MAST4: variants seen among roughly 807,000 people sequenced by gnomAD.
MAST4 encodes microtubule associated serine/threonine kinase family member 4, also known as microtubule-associated serine/threonine-protein kinase 4.
In MAST4, 89 loss-of-function variants were observed where a neutral mutation model predicts 162.7. The ratio of observed to expected loss-of-function variants is 0.55; its 90% CI spans 0.46 to 0.65. The LOEUF is 0.65. Among genes scored for constraint, MAST4 ranks in the 30% least tolerant of loss-of-function variants. MAST4 has a pLI of 0.00. For missense variants in MAST4, 3,153 were observed against 3,374.0 expected (o/e 0.93, Z 1.62); for synonymous variants, 1,479 against 1,361.1 (o/e 1.09, Z -1.91).
intron 1 of MAST4, among the ~76,000 whole-genome samples, chr5:66,689,613 C>A (rs1327490670): frequency 6.6e-6 from 1 of 152,138 alleles, no homozygotes; most frequent in African/African-American, 2.4e-5. Flanking sequence ...ATCCATGTGG[C>A]TTTGAAAGTC....
chr5:66,713,735 T>C (rs1750640715), intron 1 of MAST4, among the ~76,000 whole-genome samples: 1 of 152,208 alleles, frequency 6.6e-6, no homozygotes. Context: ...TTGTCAGTAT[T>C]TATCTCTTTC....
At chr5:67,009,519 C>T (rs1421273060) in intron 4 of MAST4, among the ~76,000 whole-genome samples, 5 of 152,220 alleles carry the variant, frequency 3.3e-5, no homozygotes, top group Non-Finnish European at 5.9e-5. Flanking sequence ...TTGGACTTCA[C>T]TTGCTCCGTC....
chr5:67,086,599 A>G (rs987052868), intron 5 of MAST4, among the ~76,000 whole-genome samples: 11 of 152,240 alleles, frequency 7.2e-5, no homozygotes, highest in Admixed American at 1.3e-4. Context: ...CCAGCAGTCT[A>G]TAAAGTGTCC....
intron 1 of MAST4, among the ~76,000 whole-genome samples, chr5:66,705,298 T>C (rs1296334027): frequency 3.3e-5 from 5 of 152,224 alleles, no homozygotes; most frequent in African/African-American, 1.2e-4. Flanking sequence ...AGCATGAGCA[T>C]GTTTAGAATG....
intron 3 of MAST4, among the ~76,000 whole-genome samples, chr5:66,834,111 A>G (rs1011520864): frequency 6.6e-6 from 1 of 152,228 alleles, no homozygotes; most frequent in African/African-American, 2.4e-5. Context: ...TACGGGTATC[A>G]GGCAGGGTCC....
At chr5:66,618,777 C>T (rs977680146) in intron 1 of MAST4, among the ~76,000 whole-genome samples, 7 of 152,194 alleles carry the variant, frequency 4.6e-5, no homozygotes, top group East Asian at 1.9e-4. Context: ...GTCTGAGAAT[C>T]GCTAGTGCAC....
At chr5:66,631,390 T>G (rs1220381695) in intron 1 of MAST4, among the ~76,000 whole-genome samples, 1 of 152,168 alleles carries the variant, frequency 6.6e-6, no homozygotes, top group Non-Finnish European at 1.5e-5. Flanking sequence ...ATTTGGAGTT[T>G]CTATGTTTTG....
intron 1 of MAST4, among the ~76,000 whole-genome samples, chr5:66,634,339 G>C (rs932250065): frequency 1.3e-5 from 2 of 151,206 alleles, no homozygotes; most frequent in African/African-American, 4.9e-5. Context: ...GATTGCAGGT[G>C]TGAGCCACTG....
intron 4 of MAST4, among the ~76,000 whole-genome samples, chr5:66,968,274 T>G (rs1406282227): frequency 6.6e-6 from 1 of 152,224 alleles, no homozygotes; most frequent in Non-Finnish European, 1.5e-5. Flanking sequence ...TGTATTTTAC[T>G]TCTTCCATCT....
At chr5:66,639,278 T>TTGTGTGTGTGTG (rs70987132) in intron 1 of MAST4, among the ~76,000 whole-genome samples, 6,412 of 138,602 alleles carry the variant, frequency 0.046, 291 homozygotes, top group African/African-American at 0.1. Context: ...GAGAGGCAGC[T>TTGTGTGTGTGTG]TGTGTGTGTG....
At chr5:66,969,781 C>T (rs766890063) in intron 4 of MAST4, among the ~76,000 whole-genome samples, 12 of 152,316 alleles carry the variant, frequency 7.9e-5, no homozygotes, top group Non-Finnish European at 1.0e-4. Flanking sequence ...AGTCACCTGA[C>T]GGCTAAACCA....
At chr5:66,991,972 A>G (rs1421667486) in intron 4 of MAST4, among the ~76,000 whole-genome samples, 1 of 152,214 alleles carries the variant, frequency 6.6e-6, no homozygotes, top group African/African-American at 2.4e-5. Flanking sequence ...AGCAAGGCAG[A>G]CAGATACAGT....
In MAST4 at chr5:67,165,413, C is replaced by T. The variant is rs770135603; in HGVS notation, c.6234C>T (p.Gly2078=). The T allele has an allele frequency of 2.4e-5, 39 of 1,613,754 alleles. No homozygotes were observed. Among genetic ancestry groups the T allele is most frequent in the South Asian group, 2.0e-4 (18 of 91,084 alleles). ...AGGAGCTGGGCAAGGTGAGGCGTGG[C>T]GTGGAACCCAAGCCCGAAGCGCTTC... ...CEKELGKVRR[G]VEPKPEALLA... The change falls in exon 29 of 29, where the codon GGC becomes GGT. Residue 2078 remains glycine (G), a synonymous_variant. Transcript: ENST00000403625.
chr5:66,923,796 G>A lies in MAST4; in HGVS notation c.674+23814G>A, dbSNP rs1214140645. Among the ~76,000 whole-genome samples the A allele has an allele frequency of 4.6e-5, 7 of 152,170 alleles. No individual in the cohort carries two copies. In the East Asian group the frequency reaches 7.7e-4, roughly 17 times the overall value. On this transcript the variant is annotated intron_variant, in intron 4 of 28. Coordinates refer to ENST00000403625, the MANE Select transcript of MAST4 (RefSeq NM_001164664.2). ...ACAACACAGTCATATATTTCAAGTT[G>A]TTTGGGGAGAAGGGGGTTGATGAAA...
intron 4 of MAST4, among the ~76,000 whole-genome samples, chr5:67,013,189 G>C (rs1457312228): frequency 1.3e-5 from 2 of 152,160 alleles, no homozygotes; most frequent in African/African-American, 4.8e-5. Flanking sequence ...CATCTGGTAG[G>C]CCAACCACCA....
intron 1 of MAST4, among the ~76,000 whole-genome samples, chr5:66,701,600 G>A (rs1181733097): frequency 2.0e-5 from 3 of 152,168 alleles, no homozygotes; most frequent in Non-Finnish European, 4.4e-5. Context: ...CTTTAGTGAA[G>A]TCTTCATTTC....
intron 5 of MAST4, 66 bp from the exon 6 acceptor site, chr5:67,090,096 G>T: frequency 9.1e-7 from 1 of 1,098,884 alleles, no homozygotes; most frequent in South Asian, 1.3e-5. Context: ...TCTAAGGAGA[G>T]AATTATTGAT....
At chr5:66,948,320 A>C (rs542215775) in intron 4 of MAST4, among the ~76,000 whole-genome samples, 40 of 152,310 alleles carry the variant, frequency 2.6e-4, no homozygotes, top group Non-Finnish European at 4.9e-4. Flanking sequence ...TAGATTATCT[A>C]GAGAGGGGGA....
intron 1 of MAST4, among the ~76,000 whole-genome samples, chr5:66,599,549 T>C (rs1363378531): frequency 6.6e-6 from 1 of 152,214 alleles, no homozygotes; most frequent in Non-Finnish European, 1.5e-5. Context: ...AGCTAACATA[T>C]AGCATCAAAT....
Sources: allele counts gnomAD v4.1 joint callset (sites outside exome capture counted in the v4.1 genomes callset), GRCh38; gene constraint gnomAD v4.1.1; transcripts MANE v1.5; gene names NCBI Gene and HGNC (gene_info 2026-07-23, HGNC 2026-07-21).